Variants in NKAIN2 observed in about 807,000 individuals in gnomAD.
NKAIN2 encodes the protein sodium/potassium transporting ATPase interacting 2.
A neutral mutation model predicts 32.6 loss-of-function variants in NKAIN2; 14 were observed. The ratio of observed to expected loss-of-function variants is 0.43; its 90% CI spans 0.28 to 0.67. NKAIN2 has a LOEUF of 0.67. Among genes scored for constraint, NKAIN2 ranks in the 30% least tolerant of loss-of-function variants. The pLI, the probability that NKAIN2 is intolerant of heterozygous loss-of-function variation, is 0.17. For synonymous variants in NKAIN2, 80 were observed against 87.2 expected (o/e 0.92, Z 0.46); for missense variants, 198 against 258.3 (o/e 0.77, Z 1.60).
intron 1 of NKAIN2, among the ~76,000 whole-genome samples, chr6:123,898,703 C>A (rs796254704): frequency 5.3e-5 from 8 of 152,216 alleles, no homozygotes; most frequent in African/African-American, 1.9e-4. Context: ...AGGAAGTCAT[C>A]ATCATCATCA....
At chr6:124,777,302 C>T (rs1583844245) in intron 4 of NKAIN2, among the ~76,000 whole-genome samples, 2 of 152,138 alleles carry the variant, frequency 1.3e-5, no homozygotes, top group South Asian at 2.1e-4. Context: ...TAGCCTTTTA[C>T]ATCCTGAGCT....
At chr6:124,129,798 T>G (rs1380690955) in intron 1 of NKAIN2, among the ~76,000 whole-genome samples, 1 of 152,108 alleles carries the variant, frequency 6.6e-6, no homozygotes, top group Admixed American at 6.6e-5. Context: ...TTTGTATTTT[T>G]AGTAGAAAAG....
intron 1 of NKAIN2, among the ~76,000 whole-genome samples, chr6:124,132,126 C>A (rs1481012434): frequency 2.6e-5 from 4 of 152,098 alleles, no homozygotes; most frequent in Admixed American, 6.5e-5. Flanking sequence ...CTGGGTGAGG[C>A]CTTTCACTAC....
intron 1 of NKAIN2, among the ~76,000 whole-genome samples, chr6:124,029,046 AT>A (rs933852445): frequency 1.3e-5 from 2 of 150,658 alleles, no homozygotes; most frequent in African/African-American, 4.9e-5. Context: ...AAGTACTAGA[AT>A]TTTTTTTATA....
intron 3 of NKAIN2, among the ~76,000 whole-genome samples, chr6:124,356,029 T>C (rs535352211): frequency 5.9e-5 from 9 of 152,308 alleles, no homozygotes; most frequent in African/African-American, 2.2e-4. Context: ...TTCAAGGTAG[T>C]AGCAAATTCT....
intron 1 of NKAIN2, among the ~76,000 whole-genome samples, chr6:124,267,952 T>TA (rs1245635771): frequency 3.0e-4 from 46 of 152,314 alleles, no homozygotes; most frequent in African/African-American, 1.0e-3. Context: ...ATCTTAATTA[T>TA]TGTTTTTCCA....
intron 1 of NKAIN2, among the ~76,000 whole-genome samples, chr6:123,915,350 T>C (rs1775433523): frequency 6.6e-6 from 1 of 152,178 alleles, no homozygotes; most frequent in Admixed American, 6.6e-5. Flanking sequence ...GCCATCTTGA[T>C]AGGACTTTTG....
chr6:124,269,734 C>T (rs750694066), intron 1 of NKAIN2, among the ~76,000 whole-genome samples: 3 of 152,074 alleles, frequency 2.0e-5, no homozygotes, highest in Non-Finnish European at 2.9e-5. Flanking sequence ...TCCCAAAGTG[C>T]TGGAATTACA....
intron 3 of NKAIN2, among the ~76,000 whole-genome samples, chr6:124,609,309 G>A (rs1782605390): frequency 6.6e-6 from 1 of 152,110 alleles, no homozygotes; most frequent in Non-Finnish European, 1.5e-5. Flanking sequence ...AAGAAAGACA[G>A]CCAAAGCAAT....
intron 3 of NKAIN2, among the ~76,000 whole-genome samples, chr6:124,616,694 G>T (rs1420039347): frequency 6.6e-6 from 1 of 150,934 alleles, no homozygotes; most frequent in Non-Finnish European, 1.5e-5. Context: ...TTGATCTCCT[G>T]ACCTCGTGAT....
chr6:123,994,741 C>T (rs779119276), intron 1 of NKAIN2, among the ~76,000 whole-genome samples: 7 of 152,052 alleles, frequency 4.6e-5, no homozygotes, highest in Non-Finnish European at 7.4e-5. Context: ...TACTGTTAAA[C>T]GTATTAAATG....
chr6:124,292,532 C>A (rs1264134008), intron 2 of NKAIN2, among the ~76,000 whole-genome samples: 1 of 145,838 alleles, frequency 6.9e-6, no homozygotes, highest in Non-Finnish European at 1.5e-5. Context: ...GAGAGCTGAG[C>A]AGATGACTTT....
Position 124,360,983 on chromosome 6 carries a change from A to T in NKAIN2, c.273+5636A>T, listed in dbSNP as rs190384713. Reference sequence around the variant, plus strand: ...TATAGCTTCATTATTCTGTTGTATTATTCTTGGCAATTGTGGTTCCCTTGA... The same window carrying T: ...TATAGCTTCATTATTCTGTTGTATTTTTCTTGGCAATTGTGGTTCCCTTGA... On this transcript the variant is annotated intron_variant, in intron 3 of 6. Coordinates refer to ENST00000368417, the MANE Select transcript of NKAIN2 (RefSeq NM_001040214.3). Among the ~76,000 whole-genome samples, 142 of 152,254 alleles carry T rather than the reference A, an allele frequency of 9.3e-4. 3 individuals carry two copies. The East Asian group carries it at 0.025, about 27-fold the overall frequency.
intron 3 of NKAIN2, among the ~76,000 whole-genome samples, chr6:124,364,863 T>C (rs999963670): frequency 1.3e-5 from 2 of 151,886 alleles, no homozygotes; most frequent in Non-Finnish European, 2.9e-5. Flanking sequence ...AATAAAATAT[T>C]TGGGGATTTA....
At chr6:124,148,342 C>T (rs1787525670) in intron 1 of NKAIN2, among the ~76,000 whole-genome samples, 1 of 151,954 alleles carries the variant, frequency 6.6e-6, no homozygotes, top group African/African-American at 2.4e-5. Flanking sequence ...CAACCATTAT[C>T]ACAGTCCAAA....
chr6:124,779,728 ATTTGACTTC>A (rs1779173073), intron 4 of NKAIN2, among the ~76,000 whole-genome samples: 4 of 152,162 alleles, frequency 2.6e-5, no homozygotes, highest in Non-Finnish European at 4.4e-5. Flanking sequence ...GGGTCCATTT[ATTTGACTTC>A]ATCACCCCCA....
intron 1 of NKAIN2, among the ~76,000 whole-genome samples, chr6:124,020,482 G>A (rs909930557): frequency 9.9e-5 from 15 of 151,988 alleles, no homozygotes; most frequent in Non-Finnish European, 1.5e-4. Flanking sequence ...AGTAGAAGTC[G>A]CATAAAATCT....
intron 3 of NKAIN2, among the ~76,000 whole-genome samples, chr6:124,517,443 C>G (rs1035408545): frequency 6.6e-6 from 1 of 152,020 alleles, no homozygotes; most frequent in African/African-American, 2.4e-5. Context: ...CAGATTTGCC[C>G]TCAAAGTACT....
chr6:123,971,963 G>C (rs1371026156), intron 1 of NKAIN2, among the ~76,000 whole-genome samples: 1 of 152,138 alleles, frequency 6.6e-6, no homozygotes, highest in Admixed American at 6.6e-5. Flanking sequence ...CTTATGCTCA[G>C]ATTTCTTCTG....
Sources: gnomAD v4.1 joint callset for allele counts (sites outside exome capture counted in the v4.1 genomes callset) on GRCh38, gnomAD v4.1.1 for gene constraint, MANE v1.5 for transcripts, NCBI Gene and HGNC (gene_info 2026-07-23, HGNC 2026-07-21) for gene names.